The following GLIS3 variants were observed in gnomAD, a reference collection of about 807,000 sequenced individuals.
The protein encoded by GLIS3 is GLIS family zinc finger 3, also known as zinc finger protein GLIS3.
Under a neutral mutation model 78.6 loss-of-function variants are expected in GLIS3, and 53 were observed. The ratio of observed to expected loss-of-function variants is 0.67; its 90% CI spans 0.54 to 0.85. The LOEUF (loss-of-function observed/expected upper bound fraction) is 0.85, where lower values mean the gene tolerates loss of function less well. GLIS3 is among the 40% of genes least tolerant of loss of function. The pLI is 0.00. For missense variants in GLIS3, 1,703 were observed against 1,231.1 expected, an observed-to-expected ratio of 1.38 and a Z score of -5.74; for synonymous variants, 684 against 509.9, an observed-to-expected ratio of 1.34 and a Z score of -4.60.
At chr9:3,969,082 C>G (rs1248134095) in intron 4 of GLIS3, among the ~76,000 whole-genome samples, 2 of 152,182 alleles carry the variant, frequency 1.3e-5, no homozygotes, top group Admixed American at 1.3e-4. Context: ...AAAGCCAAAG[C>G]CTTGACTCAC....
At chr9:3,841,990 A>T (rs1340730751) in intron 9 of GLIS3, among the ~76,000 whole-genome samples, 1 of 152,216 alleles carries the variant, frequency 6.6e-6, no homozygotes, top group Non-Finnish European at 1.5e-5. Flanking sequence ...CAAGGGAAGC[A>T]TGGTAAAGAA....
At chr9:4,462,590 C>G in the GLIS3 span, among the ~76,000 whole-genome samples, 4 of 142,238 alleles carry the variant, frequency 2.8e-5, no homozygotes, top group African/African-American at 1.1e-4. Flanking sequence ...GATTCCATCT[C>G]TATAACACAC....
rs1218578234 is a variant in GLIS3 at position 4,274,560 on chromosome 9, G to C, written c.388+11478C>G. On this transcript the variant is annotated intron_variant, in intron 2 of 10. Coordinates refer to ENST00000381971, the MANE Select transcript of GLIS3 (RefSeq NM_001042413.2). Reference sequence around the variant, plus strand: ...GTGGCAATGAATATTGGGTGGAAGTGGAAGAGTCAGCGGTCATCCTGGCAG... The same window carrying C: ...GTGGCAATGAATATTGGGTGGAAGTCGAAGAGTCAGCGGTCATCCTGGCAG... 2.6e-5 allele frequency among the ~76,000 whole-genome samples: 4 copies of C among 152,176 alleles called. No homozygotes were observed. The East Asian group carries it at 7.7e-4, about 29-fold the overall frequency.
chr9:3,985,171 G>A (rs1468584549), intron 4 of GLIS3, among the ~76,000 whole-genome samples: 1 of 151,738 alleles, frequency 6.6e-6, no homozygotes, highest in African/African-American at 2.4e-5. Context: ...CTGAGACAGG[G>A]TCTTGCTCTG....
chr9:4,476,654 G>C, the GLIS3 span, among the ~76,000 whole-genome samples: 3 of 151,946 alleles, frequency 2.0e-5, no homozygotes, highest in African/African-American at 4.8e-5. Flanking sequence ...GAGCCACCAT[G>C]CCCGGCCCAG....
At chr9:4,030,445 T>G (rs961809870) in intron 4 of GLIS3, among the ~76,000 whole-genome samples, 9 of 152,226 alleles carry the variant, frequency 5.9e-5, no homozygotes, top group African/African-American at 2.2e-4. Flanking sequence ...TAACTTGATG[T>G]GATCTCATTT....
rs559986970 is a variant in GLIS3 at position 4,078,451 on chromosome 9, C to T, written c.1710+39317G>A. Among the ~76,000 whole-genome samples the T allele has an allele frequency of 2.0e-5, 3 of 152,258 alleles. No individual in the cohort carries two copies. In the South Asian group the frequency reaches 6.2e-4, roughly 32 times the overall value. The stretch of plus-strand genomic sequence containing the variant: ...ACTTCCAAATCTTCTGATTCTGTAA[C>T]AATATAATTCTTCTTGCATGGCCTC... On this transcript the variant is annotated intron_variant, in intron 4 of 10. Transcript: ENST00000381971.
At chr9:3,961,770 G>A (rs370306798) in intron 4 of GLIS3, among the ~76,000 whole-genome samples, 15 of 152,152 alleles carry the variant, frequency 9.9e-5, no homozygotes, top group African/African-American at 3.1e-4. Context: ...GGGGATCTTC[G>A]CTGACTACCA....
chr9:4,439,192 G>C, the GLIS3 span, among the ~76,000 whole-genome samples: 1 of 151,894 alleles, frequency 6.6e-6, no homozygotes, highest in Admixed American at 6.6e-5. Context: ...TAAAATTTTT[G>C]TATTCCAAAA....
intron 2 of GLIS3, among the ~76,000 whole-genome samples, chr9:4,163,114 T>C (rs1205971746): frequency 6.6e-6 from 1 of 152,002 alleles, no homozygotes; most frequent in Non-Finnish European, 1.5e-5. Flanking sequence ...ATAAAGAAAC[T>C]CAAGTTCAAA....
At chr9:4,055,084 T>A (rs1826036748) in intron 4 of GLIS3, among the ~76,000 whole-genome samples, 1 of 152,232 alleles carries the variant, frequency 6.6e-6, no homozygotes, top group African/African-American at 2.4e-5. Flanking sequence ...AAGGGGAGAA[T>A]GAAAGAAGGC....
intron 2 of GLIS3, among the ~76,000 whole-genome samples, chr9:4,340,654 A>T (rs1176606355): frequency 6.6e-6 from 1 of 152,116 alleles, no homozygotes; most frequent in Non-Finnish European, 1.5e-5. Flanking sequence ...GAACCTGGAG[A>T]CCGTTGTCGG....
intron 2 of GLIS3, among the ~76,000 whole-genome samples, chr9:4,178,828 A>C (rs1210368138): frequency 1.3e-5 from 2 of 152,230 alleles, no homozygotes; most frequent in African/African-American, 2.4e-5. Flanking sequence ...ATCACTAAGA[A>C]AAGAAACAAA....
In GLIS3 at chr9:3,858,100, C is replaced by G. The variant is rs1235219344; in HGVS notation, c.2298-1916G>C. Among the ~76,000 whole-genome samples, 5 of 152,086 alleles carry G rather than the reference C, an allele frequency of 3.3e-5. No homozygotes were observed. The East Asian group carries it at 7.7e-4, about 23-fold the overall frequency. On this transcript the variant is annotated intron_variant, in intron 8 of 10. Coordinates refer to ENST00000381971, the MANE Select transcript of GLIS3 (RefSeq NM_001042413.2). ...ATTGCTGGTGTCCCAGTTTTGTTTTCTGGGGCAAAGGAGCAAGATCCTTTG... is the reference window on the plus strand; with the variant it reads ...ATTGCTGGTGTCCCAGTTTTGTTTTGTGGGGCAAAGGAGCAAGATCCTTTG...
intron 7 of GLIS3, among the ~76,000 whole-genome samples, chr9:3,885,920 C>G (rs979626058): frequency 6.6e-6 from 1 of 152,184 alleles, no homozygotes; most frequent in Admixed American, 6.5e-5. Flanking sequence ...AGCAATGTGT[C>G]TAGGCAAATC....
At chr9:4,288,690 TA>T (rs1436809068) in intron 1 of GLIS3, among the ~76,000 whole-genome samples, 6 of 152,164 alleles carry the variant, frequency 3.9e-5, no homozygotes, top group South Asian at 2.1e-4. Context: ...TATTTTATTT[TA>T]TTTTTTTTAT....
At chr9:4,108,506 C>T (rs1830948693) in intron 4 of GLIS3, among the ~76,000 whole-genome samples, 1 of 152,142 alleles carries the variant, frequency 6.6e-6, no homozygotes. Flanking sequence ...ATTTCCGCTT[C>T]ATTACAACTG....
intron 4 of GLIS3, among the ~76,000 whole-genome samples, chr9:4,022,013 C>G (rs1444647825): frequency 1.3e-5 from 2 of 152,194 alleles, no homozygotes; most frequent in Non-Finnish European, 2.9e-5. Flanking sequence ...CTCCAAAGCA[C>G]TTAGGCACTT....
rs1296931274 is a variant in GLIS3, at chr9:3,825,825, G to C, written c.*2447C>G. On this transcript the variant is annotated 3_prime_UTR_variant, in exon 11 of 11. Transcript: ENST00000381971. ...GACCCACGGTGCGGGAAGCAGGGCTGCACTGGGTCCTGTGGCCAGCATGCT... is the reference window on the plus strand; with the variant it reads ...GACCCACGGTGCGGGAAGCAGGGCTCCACTGGGTCCTGTGGCCAGCATGCT... The C allele has an allele frequency of 6.6e-6, 1 of 152,270 alleles. No homozygotes were observed. Among genetic ancestry groups the C allele is most frequent in the African/African-American group, 2.4e-5 (1 of 41,450 alleles). The allele number at this position is 152,270 out of a possible 1,614,324, so 9.4% of individuals were successfully genotyped here. A position where few individuals can be genotyped will look rare whatever the true frequency, so the allele number is the denominator to read the frequency against.
Sources: allele counts gnomAD v4.1 joint callset (sites outside exome capture counted in the v4.1 genomes callset), GRCh38; gene constraint gnomAD v4.1.1; transcripts MANE v1.5; gene names NCBI Gene and HGNC (gene_info 2026-07-23, HGNC 2026-07-21).